Variants in SPAG16 observed in about 807,000 individuals in gnomAD.
SPAG16 encodes sperm associated antigen 16, also known as sperm-associated antigen 16 protein.
A neutral mutation model predicts 80.4 loss-of-function variants in SPAG16; 86 were observed. The observed-to-expected ratio is 1.07, with a 90% CI of 0.90 to 1.28. The LOEUF is 1.28. Ranked by LOEUF, SPAG16 falls within the 50% of genes most tolerant of loss-of-function variation. The pLI, the probability that SPAG16 is intolerant of heterozygous loss-of-function variation, is 0.00. For missense variants in SPAG16, 870 were observed against 765.3 expected (o/e 1.14, Z -1.61); for synonymous variants, 294 against 265.9 (o/e 1.11, Z -1.03).
chr2:213,925,848 T>A (rs1429008182), intron 11 of SPAG16, among the ~76,000 whole-genome samples: 1 of 152,222 alleles, frequency 6.6e-6, no homozygotes, highest in African/African-American at 2.4e-5. Flanking sequence ...CTAACACATA[T>A]TTATCACTAT....
intron 14 of SPAG16, among the ~76,000 whole-genome samples, chr2:214,142,623 T>G (rs1249370783): frequency 6.6e-6 from 1 of 152,174 alleles, no homozygotes; most frequent in African/African-American, 2.4e-5. Flanking sequence ...TTACGTTTAA[T>G]GTAGATGAAA....
At chr2:214,158,803 T>C (rs574666019) in intron 15 of SPAG16, among the ~76,000 whole-genome samples, 16 of 152,122 alleles carry the variant, frequency 1.1e-4, no homozygotes, top group African/African-American at 3.8e-4. Flanking sequence ...AATATTTTCC[T>C]ACTTAAATAC....
At chr2:214,188,581 A>G (rs762638522) in intron 15 of SPAG16, among the ~76,000 whole-genome samples, 13 of 152,138 alleles carry the variant, frequency 8.5e-5, no homozygotes, top group Non-Finnish European at 1.8e-4. Flanking sequence ...TAATCCACAT[A>G]GAGTATTTCT....
At chr2:213,802,849 G>GA (rs369065483) in intron 10 of SPAG16, among the ~76,000 whole-genome samples, 12 of 148,560 alleles carry the variant, frequency 8.1e-5, no homozygotes, top group Admixed American at 1.3e-4. Flanking sequence ...ATCACTTCCA[G>GA]AAAAAAAAAG....
chr2:213,902,396 T>G (rs1460679058), intron 11 of SPAG16, among the ~76,000 whole-genome samples: 1 of 152,188 alleles, frequency 6.6e-6, no homozygotes, highest in Non-Finnish European at 1.5e-5. Flanking sequence ...TGAGGAGGCC[T>G]CAGAATCATG....
At chr2:214,007,524 A>G (rs895784875) in intron 12 of SPAG16, among the ~76,000 whole-genome samples, 1 of 152,168 alleles carries the variant, frequency 6.6e-6, no homozygotes, top group Non-Finnish European at 1.5e-5. Context: ...TTTAATCTGA[A>G]TAACTTCTTT....
chr2:214,269,783 G>A (rs1691860468), intron 15 of SPAG16, among the ~76,000 whole-genome samples: 1 of 152,080 alleles, frequency 6.6e-6, no homozygotes, highest in Non-Finnish European at 1.5e-5. Context: ...AGCAGAGAAG[G>A]TCTGTGAGAA....
intron 11 of SPAG16, among the ~76,000 whole-genome samples, chr2:213,903,077 C>T (rs1267617022): frequency 6.6e-6 from 1 of 152,154 alleles, no homozygotes; most frequent in Non-Finnish European, 1.5e-5. Context: ...GTACAGCCTC[C>T]CTCCTGGCTG....
At chr2:213,941,206 C>T (rs966340452) in intron 12 of SPAG16, among the ~76,000 whole-genome samples, 2 of 152,108 alleles carry the variant, frequency 1.3e-5, no homozygotes, top group African/African-American at 4.8e-5. Context: ...CTGTCATCAA[C>T]AAAATATTCT....
At chr2:214,059,388 C>G (rs1370554690) in intron 13 of SPAG16, among the ~76,000 whole-genome samples, 1 of 150,146 alleles carries the variant, frequency 6.7e-6, no homozygotes, top group East Asian at 1.9e-4. Flanking sequence ...TTACCCTTTT[C>G]TTCTTCTGAA....
intron 12 of SPAG16, among the ~76,000 whole-genome samples, chr2:213,949,116 T>A (rs2079593524): frequency 6.6e-6 from 1 of 151,482 alleles, no homozygotes; most frequent in Non-Finnish European, 1.5e-5. Flanking sequence ...ATGAAAATAA[T>A]GTCTACAGTT....
Position 213,812,428 on chromosome 2 carries a change from G to A in SPAG16, c.1071-50057G>A, listed in dbSNP as rs780317015. Among the ~76,000 whole-genome samples, 4 of 152,130 alleles carry A rather than the reference G, an allele frequency of 2.6e-5. No individual in the cohort carries two copies. In the South Asian group the frequency reaches 6.2e-4, roughly 24 times the overall value. The stretch of plus-strand genomic sequence containing the variant: ...TAAGAGACTCAGCTTTAGGTTAATC[G>A]GCAAAGATAAGGACAGGAAATCTAA... On this transcript the variant is annotated intron_variant, in intron 10 of 15. Coordinates refer to ENST00000331683, the MANE Select transcript of SPAG16 (RefSeq NM_024532.5).
At chr2:214,040,687 C>T (rs937367914) in intron 13 of SPAG16, among the ~76,000 whole-genome samples, 1 of 151,978 alleles carries the variant, frequency 6.6e-6, no homozygotes, top group East Asian at 1.9e-4. Flanking sequence ...TTGTATGTAG[C>T]GTTTTGGAAG....
chr2:214,287,583 C>A (rs1253365394), intron 15 of SPAG16, among the ~76,000 whole-genome samples: 2 of 152,052 alleles, frequency 1.3e-5, no homozygotes, highest in Non-Finnish European at 2.9e-5. Flanking sequence ...CTATTTGAGG[C>A]AGTATTATTT....
chr2:214,270,362 T>A (rs1431606598), intron 15 of SPAG16, among the ~76,000 whole-genome samples: 1 of 152,202 alleles, frequency 6.6e-6, no homozygotes, highest in Non-Finnish European at 1.5e-5. Flanking sequence ...CCTTTGTGGG[T>A]ATTTTTTACT....
In SPAG16 at chr2:214,362,855, TA is replaced by T. The variant is rs377731455; in HGVS notation, c.1721-47278del. 5.3e-5 allele frequency among the ~76,000 whole-genome samples: 8 copies of T among 151,850 alleles called. 1 individual carries two copies. The highest frequency in any genetic ancestry group is 1.9e-4 in the African/African-American group (8 of 41,498). ...AATGTGATGAATGCTTAACAAGAAA[TA>T]AAAAAATGCCATAATAACACAAGAT... On this transcript the variant is annotated intron_variant, in intron 15 of 15. Coordinates refer to ENST00000331683, the MANE Select transcript of SPAG16 (RefSeq NM_024532.5).
chr2:214,123,019 C>T (rs900683370), intron 14 of SPAG16, among the ~76,000 whole-genome samples: 4 of 151,230 alleles, frequency 2.6e-5, no homozygotes, highest in African/African-American at 4.9e-5. Flanking sequence ...AACTTTTTGC[C>T]TTAATACTTT....
At chr2:214,063,521 C>T (rs1269385798) in intron 13 of SPAG16, among the ~76,000 whole-genome samples, 2 of 152,134 alleles carry the variant, frequency 1.3e-5, no homozygotes, top group Non-Finnish European at 2.9e-5. Flanking sequence ...CTAGTTCCCT[C>T]CAGCTTTTTT....
At chr2:213,801,657 G>A (rs192835367) in intron 10 of SPAG16, among the ~76,000 whole-genome samples, 1 of 152,160 alleles carries the variant, frequency 6.6e-6, no homozygotes, top group African/African-American at 2.4e-5. Flanking sequence ...AGAAAATGGA[G>A]GTTGACAGAT....
Sources: gnomAD v4.1 joint callset for allele counts (sites outside exome capture counted in the v4.1 genomes callset) on GRCh38, gnomAD v4.1.1 for gene constraint, MANE v1.5 for transcripts, NCBI Gene and HGNC (gene_info 2026-07-23, HGNC 2026-07-21) for gene names.